The following RAD51 variants were observed in gnomAD, a reference collection of about 807,000 sequenced individuals.
RAD51 encodes the protein RAD51 recombinase.
In RAD51, 14 loss-of-function variants were observed where a neutral mutation model predicts 41.5. The observed-to-expected ratio is 0.34, with a 90% CI of 0.22 to 0.53. The LOEUF (loss-of-function observed/expected upper bound fraction) is 0.53. Among genes scored for constraint, RAD51 ranks in the 20% least tolerant of loss-of-function variants. RAD51 has a pLI of 0.95. For missense variants in RAD51, 234 were observed against 422.0 expected (o/e 0.55, Z 3.90); for synonymous variants, 136 against 148.6 (o/e 0.92, Z 0.62).
intron 5 of RAD51, among the ~76,000 whole-genome samples, chr15:40,710,640 T>C (rs1005010750): frequency 4.6e-5 from 7 of 152,076 alleles, no homozygotes; most frequent in African/African-American, 1.7e-4. Context: ...GACAGGCATC[T>C]CATATCTCAT....
At chr15:40,722,954 G>T (rs1339707629) in intron 6 of RAD51, among the ~76,000 whole-genome samples, 1 of 152,044 alleles carries the variant, frequency 6.6e-6, no homozygotes, top group South Asian at 2.1e-4. Context: ...TGCAAATTAC[G>T]TATCTGATAA....
rs1044513961 is a variant in RAD51, at chr15:40,731,858, C to G, written c.*680C>G. 7 of 211,786 alleles carry G rather than the reference C, an allele frequency of 3.3e-5. No homozygotes were observed. Among genetic ancestry groups the G allele is most frequent in the Admixed American group, 5.9e-5 (1 of 16,992 alleles). 13.1% of individuals were successfully genotyped at this position (211,786 alleles called of 1,614,324 possible). Reference sequence around the variant, plus strand: ...CTTTGGGAGGCCGAGGCAGGTGGATCGCTTGAGCCCAGGAGTTTTAAGTCC... The same window carrying G: ...CTTTGGGAGGCCGAGGCAGGTGGATGGCTTGAGCCCAGGAGTTTTAAGTCC... On this transcript the variant is annotated 3_prime_UTR_variant, in exon 10 of 10. Transcript: ENST00000267868.
rs1896902926 is a variant in RAD51 at position 40,732,100 on chromosome 15, G to C, written c.*922G>C. The stretch of plus-strand genomic sequence containing the variant: ...CATGTTTCAAACAAGAAACATTTCA[G>C]AGGGTAAGTAAACAGATTTGATTGT... On this transcript the variant is annotated 3_prime_UTR_variant, in exon 10 of 10. Coordinates refer to ENST00000267868, the MANE Select transcript of RAD51 (RefSeq NM_002875.5). 4.9e-6 allele frequency: 1 copy of C among 205,144 alleles called. No homozygotes were observed. The highest frequency in any genetic ancestry group is 2.3e-5 in the African/African-American group (1 of 43,640). 12.7% of individuals were successfully genotyped at this position (205,144 alleles called of 1,614,324 possible).
chr15:40,730,002 T>A (rs780831819), intron 9 of RAD51, 28 bp downstream of exon 9: 1 of 1,611,738 alleles, frequency 6.2e-7, no homozygotes, highest in Non-Finnish European at 8.5e-7. Context: ...TCAGTTCTTC[T>A]TTTCGGAATG....
chr15:40,697,023 G>A (rs1255486608), intron 1 of RAD51, among the ~76,000 whole-genome samples: 1 of 152,126 alleles, frequency 6.6e-6, no homozygotes, highest in Non-Finnish European at 1.5e-5. Context: ...TCTCTACTGT[G>A]GTTTGACTTG....
chr15:40,717,535 G>T (rs1005126105), intron 5 of RAD51, among the ~76,000 whole-genome samples: 5 of 152,138 alleles, frequency 3.3e-5, no homozygotes, highest in African/African-American at 1.2e-4. Context: ...GTCTAAAGCA[G>T]AGATTTCCTT....
At chr15:40,712,652 T>C (rs1397888499) in intron 5 of RAD51, among the ~76,000 whole-genome samples, 1 of 152,228 alleles carries the variant, frequency 6.6e-6, no homozygotes, top group African/African-American at 2.4e-5. Context: ...CCAACTCTTC[T>C]GTTATAATCT....
intron 6 of RAD51, among the ~76,000 whole-genome samples, chr15:40,722,939 A>G (rs1896356985): frequency 6.6e-6 from 1 of 152,210 alleles, no homozygotes; most frequent in Admixed American, 6.5e-5. Flanking sequence ...ATGTGAGAAA[A>G]TATTTGCAAA....
At chr15:40,702,797 C>G (rs1208665829) in intron 3 of RAD51, among the ~76,000 whole-genome samples, 1 of 151,090 alleles carries the variant, frequency 6.6e-6, no homozygotes, top group Non-Finnish European at 1.5e-5. Context: ...AAATTACAGG[C>G]ACTAGCCACT....
chr15:40,724,889 ATTTTTTTTT>A (rs34086110), intron 6 of RAD51, among the ~76,000 whole-genome samples: 1 of 55,392 alleles, frequency 1.8e-5, no homozygotes, highest in Admixed American at 2.7e-4. Context: ...ATTTTTTTTA[ATTTTTTTTT>A]TTTTTTTTTT....
chr15:40,697,337 T>G (rs1894705115), intron 1 of RAD51, among the ~76,000 whole-genome samples: 1 of 152,062 alleles, frequency 6.6e-6, no homozygotes, highest in Non-Finnish European at 1.5e-5. Context: ...CTCCTGAACT[T>G]AGGTGATCTG....
At chr15:40,724,674 CTTTTTT>C (rs869156620) in intron 6 of RAD51, among the ~76,000 whole-genome samples, 10 of 94,346 alleles carry the variant, frequency 1.1e-4, no homozygotes, top group African/African-American at 4.0e-4. Flanking sequence ...TTTTTTATTT[CTTTTTT>C]TTTTTTTTTT....
chr15:40,717,733 T>C (rs921932163), intron 5 of RAD51, among the ~76,000 whole-genome samples: 2 of 152,230 alleles, frequency 1.3e-5, no homozygotes, highest in Admixed American at 6.6e-5. Flanking sequence ...AAATTTGCTA[T>C]AGACACTCCG....
intron 3 of RAD51, among the ~76,000 whole-genome samples, chr15:40,702,232 A>G (rs1482288421): frequency 6.6e-6 from 1 of 152,200 alleles, no homozygotes; most frequent in Non-Finnish European, 1.5e-5. Flanking sequence ...TTGTTAAAAG[A>G]TTGTCATATT....
intron 6 of RAD51, among the ~76,000 whole-genome samples, chr15:40,719,121 G>C (rs1483820278): frequency 6.6e-6 from 1 of 150,730 alleles, no homozygotes; most frequent in Non-Finnish European, 1.5e-5. Flanking sequence ...GCGGTGGCGT[G>C]ATCTCAGGTC....
intron 9 of RAD51, among the ~76,000 whole-genome samples, chr15:40,730,499 T>G (rs1368008650): frequency 6.6e-6 from 1 of 151,174 alleles, no homozygotes; most frequent in African/African-American, 2.4e-5. Flanking sequence ...AGCAGGACAC[T>G]GTCTTGAAAA....
chr15:40,722,417 GAAAAAA>G (rs35073579), intron 6 of RAD51, among the ~76,000 whole-genome samples: 1 of 130,540 alleles, frequency 7.7e-6, no homozygotes, highest in African/African-American at 2.8e-5. Flanking sequence ...CTGGCTCGGG[GAAAAAA>G]AAAAAAAAAA....
At chr15:40,717,569 A>T (rs754357858) in intron 5 of RAD51, among the ~76,000 whole-genome samples, 9 of 152,112 alleles carry the variant, frequency 5.9e-5, no homozygotes, top group Non-Finnish European at 1.0e-4. Context: ...GACAGTTTTC[A>T]TGGCATTTCA....
chr15:40,730,096 C>G, intron 9 of RAD51, 122 bp downstream of exon 9: 1 of 1,339,424 alleles, frequency 7.5e-7, no homozygotes, highest in Non-Finnish European at 1.0e-6. Flanking sequence ...CTTAGGAACT[C>G]TTGCTAATCT....
Sources: gnomAD v4.1 joint callset for allele counts (sites outside exome capture counted in the v4.1 genomes callset) on GRCh38, gnomAD v4.1.1 for gene constraint, MANE v1.5 for transcripts, NCBI Gene and HGNC (gene_info 2026-07-23, HGNC 2026-07-21) for gene names.